The following TBC1D4 variants were observed in gnomAD, a reference collection of about 807,000 sequenced individuals.
TBC1D4 encodes TBC1 domain family member 4.
Under a neutral mutation model 142.5 loss-of-function variants are expected in TBC1D4, and 121 were observed. The observed-to-expected ratio is 0.85, with a 90% CI of 0.73 to 0.99. TBC1D4 has a LOEUF of 0.99. Among genes scored for constraint, TBC1D4 ranks in the 50% least tolerant of loss-of-function variants. The pLI is 0.00. For missense variants in TBC1D4, 1,475 were observed against 1,606.6 expected (o/e 0.92, Z 1.40); for synonymous variants, 630 against 628.2 (o/e 1.00, Z -0.04).
At chr13:75,332,634 A>T (rs560124150) in intron 8 of TBC1D4, among the ~76,000 whole-genome samples, 2 of 152,282 alleles carry the variant, frequency 1.3e-5, no homozygotes, top group Non-Finnish European at 2.9e-5. Context: ...TGGGGTGAGG[A>T]CCAGGATTTT....
At chr13:75,396,006 C>T (rs922062777) in intron 1 of TBC1D4, among the ~76,000 whole-genome samples, 1 of 152,146 alleles carries the variant, frequency 6.6e-6, no homozygotes, top group African/African-American at 2.4e-5. Context: ...TGGACTTCCT[C>T]AACAAAGTCC....
chr13:75,335,000 G>A (rs917574143), intron 8 of TBC1D4, among the ~76,000 whole-genome samples: 1 of 150,032 alleles, frequency 6.7e-6, no homozygotes, highest in Non-Finnish European at 1.5e-5. Context: ...CCACTGCACA[G>A]ACACTGTCCT....
chr13:75,433,641 T>C (rs1886677691), intron 1 of TBC1D4, among the ~76,000 whole-genome samples: 1 of 152,106 alleles, frequency 6.6e-6, no homozygotes, highest in Non-Finnish European at 1.5e-5. Context: ...CAATACTCAT[T>C]TTACACCATG....
At chr13:75,457,167 C>T (rs1208594919) in intron 1 of TBC1D4, among the ~76,000 whole-genome samples, 1 of 152,076 alleles carries the variant, frequency 6.6e-6, no homozygotes, top group Non-Finnish European at 1.5e-5. Context: ...GCACTGAGTG[C>T]TGGAAATATT....
At chr13:75,392,995 C>T (rs911358671) in intron 1 of TBC1D4, among the ~76,000 whole-genome samples, 2 of 151,998 alleles carry the variant, frequency 1.3e-5, no homozygotes, top group African/African-American at 2.4e-5. Context: ...TAATCCATCT[C>T]TATTTTGCTA....
intron 1 of TBC1D4, among the ~76,000 whole-genome samples, chr13:75,406,837 G>A (rs984417176): frequency 1.5e-4 from 23 of 152,066 alleles, no homozygotes; most frequent in East Asian, 3.8e-4. Context: ...GTACAAAAAC[G>A]GAATCCAAAG....
At chr13:75,458,681 T>C (rs1336258948) in intron 1 of TBC1D4, among the ~76,000 whole-genome samples, 5 of 152,234 alleles carry the variant, frequency 3.3e-5, no homozygotes, top group Admixed American at 2.6e-4. Flanking sequence ...TTTAACTATA[T>C]TGCATGACAA....
chr13:75,416,640 C>G (rs945870792), intron 1 of TBC1D4, among the ~76,000 whole-genome samples: 1 of 152,232 alleles, frequency 6.6e-6, no homozygotes, highest in African/African-American at 2.4e-5. Flanking sequence ...CCTATTTGAT[C>G]AGGCTACATC....
At chr13:75,459,821 G>A (rs150394596) in intron 1 of TBC1D4, among the ~76,000 whole-genome samples, 248 of 152,284 alleles carry the variant, frequency 1.6e-3, no homozygotes, top group African/African-American at 5.7e-3. Flanking sequence ...CATATATTTT[G>A]TTAAAATTAT....
intron 1 of TBC1D4, among the ~76,000 whole-genome samples, chr13:75,454,284 G>A (rs903392088): frequency 9.9e-5 from 15 of 152,054 alleles, no homozygotes; most frequent in African/African-American, 3.6e-4. Context: ...CCAAAGTTCT[G>A]GGATTACAGG....
chr13:75,292,196 A>G lies in TBC1D4; in HGVS notation c.3392T>C (p.Ile1131Thr), dbSNP rs754740035. ...LSLLSSQETLIMECESFENIV... is the reference protein window; with the variant it reads ...LSLLSSQETLTMECESFENIV... ...ATTTTCAAAGCTCTCACATTCCATT[A>G]TAAGTGTCTCTTGGCTGCTCAGTAG... Residue 1131 changes from isoleucine (I) to threonine (T), a missense_variant, in exon 19 of 21, where the codon ATA (isoleucine) becomes ACA (threonine). Around this residue, in one of 2 missense-constraint regions of TBC1D4, gnomAD observed 248 missense variants for 338.9 expected, o/e 0.73. Transcript: ENST00000377636. 1.6e-5 allele frequency: 26 copies of G among 1,613,546 alleles called. No individual in the cohort carries two copies. Among genetic ancestry groups the G allele is most frequent in the East Asian group, 4.5e-5 (2 of 44,802 alleles).
intron 1 of TBC1D4, among the ~76,000 whole-genome samples, chr13:75,419,312 TGGA>T (rs1886061441): frequency 6.6e-6 from 1 of 152,194 alleles, no homozygotes; most frequent in South Asian, 2.1e-4. Flanking sequence ...ATTCCAGTGC[TGGA>T]GGAGGAAAAA....
At chr13:75,387,412 A>G (rs1884242203) in intron 1 of TBC1D4, among the ~76,000 whole-genome samples, 1 of 152,212 alleles carries the variant, frequency 6.6e-6, no homozygotes, top group Non-Finnish European at 1.5e-5. Flanking sequence ...ATATCAGTGA[A>G]CTTTCTACAT....
At chr13:75,331,272 T>C (rs1879716882) in intron 8 of TBC1D4, among the ~76,000 whole-genome samples, 1 of 152,066 alleles carries the variant, frequency 6.6e-6, no homozygotes, top group East Asian at 1.9e-4. Flanking sequence ...GGTGGGAGGA[T>C]TGCTTGACCC....
At chr13:75,413,535 T>C (rs1885774822) in intron 1 of TBC1D4, among the ~76,000 whole-genome samples, 1 of 152,140 alleles carries the variant, frequency 6.6e-6, no homozygotes, top group Non-Finnish European at 1.5e-5. Context: ...CCTTATTGTT[T>C]GTGTATTTTA....
intron 1 of TBC1D4, among the ~76,000 whole-genome samples, chr13:75,390,367 G>A (rs1204048821): frequency 6.6e-6 from 1 of 151,992 alleles, no homozygotes; most frequent in Non-Finnish European, 1.5e-5. Context: ...CAAGAGGTCT[G>A]GGTCCAGGAG....
chr13:75,294,637 C>T (rs1223368050), intron 18 of TBC1D4, among the ~76,000 whole-genome samples: 2 of 152,106 alleles, frequency 1.3e-5, no homozygotes, highest in Non-Finnish European at 2.9e-5. Flanking sequence ...ATACAGGAGC[C>T]CAATTCCTCT....
intron 4 of TBC1D4, among the ~76,000 whole-genome samples, chr13:75,351,376 T>TG (rs1430906534): frequency 3.6e-4 from 55 of 151,982 alleles, no homozygotes; most frequent in Admixed American, 7.2e-4. Flanking sequence ...TCCTATTTTT[T>TG]TGGGGGGGTA....
intron 1 of TBC1D4, among the ~76,000 whole-genome samples, chr13:75,368,216 C>A (rs1170337863): frequency 6.6e-6 from 1 of 152,174 alleles, no homozygotes; most frequent in Non-Finnish European, 1.5e-5. Context: ...AACTAAGGGT[C>A]TCCTTAAGGA....
Sources: gnomAD v4.1 joint callset for allele counts (sites outside exome capture counted in the v4.1 genomes callset) on GRCh38, gnomAD v4.1.1 for gene constraint, gnomAD v4.1.1 regional missense constraint, MANE v1.5 for transcripts, NCBI Gene and HGNC (gene_info 2026-07-23, HGNC 2026-07-21) for gene names.